The following SMCHD1 variants were observed in gnomAD, a reference collection of about 807,000 sequenced individuals.
SMCHD1 encodes structural maintenance of chromosomes flexible hinge domain-containing protein 1.
A neutral mutation model predicts 254.7 loss-of-function variants in SMCHD1; 78 were observed. The observed-to-expected ratio is 0.31, with a 90% CI of 0.26 to 0.37. SMCHD1 has a LOEUF of 0.37. SMCHD1 is among the 10% of genes least tolerant of loss of function. The pLI is 1.00. For synonymous variants in SMCHD1, 766 were observed against 794.9 expected (o/e 0.96, Z 0.61); for missense variants, 1,840 against 2,408.1 (o/e 0.76, Z 4.94).
intron 29 of SMCHD1, among the ~76,000 whole-genome samples, chr18:2,744,674 A>G (rs564431722): frequency 6.6e-6 from 1 of 152,320 alleles, no homozygotes; most frequent in African/African-American, 2.4e-5. Context: ...AAGAATAGTA[A>G]TATACTATTA....
intron 25 of SMCHD1, among the ~76,000 whole-genome samples, chr18:2,734,894 C>G (rs1223319395): frequency 6.6e-6 from 1 of 151,536 alleles, no homozygotes; most frequent in Non-Finnish European, 1.5e-5. Context: ...ATGGTGAAAC[C>G]CCATCTCTAC....
At chr18:2,788,478 G>C (rs887213484) in intron 45 of SMCHD1, among the ~76,000 whole-genome samples, 2 of 152,050 alleles carry the variant, frequency 1.3e-5, no homozygotes, top group African/African-American at 4.8e-5. Context: ...TTAATTCTGG[G>C]TTATATAATT....
Position 2,763,990 on chromosome 18 carries a change from A to G in SMCHD1, c.4719+201A>G, listed in dbSNP as rs181075968. 4.0e-5 allele frequency: 19 copies of G among 477,504 alleles called. 1 individual carries two copies. Among genetic ancestry groups the G allele is most frequent in the South Asian group, 3.6e-4 (13 of 35,834 alleles). The allele number at this position is 477,504 out of a possible 1,614,324, so 29.6% of individuals were successfully genotyped here. Reference sequence around the variant, plus strand: ...TATAAGTAAGACTCTCGTTTTTCCTATGGGATAACAGCTTTCTCTGATTCT... The same window carrying G: ...TATAAGTAAGACTCTCGTTTTTCCTGTGGGATAACAGCTTTCTCTGATTCT... On this transcript the variant is annotated intron_variant, in intron 37 of 47. Coordinates refer to ENST00000320876, the MANE Select transcript of SMCHD1 (RefSeq NM_015295.3).
At chr18:2,753,967 A>C (rs961541618) in intron 34 of SMCHD1, among the ~76,000 whole-genome samples, 1 of 152,058 alleles carries the variant, frequency 6.6e-6, no homozygotes, top group Non-Finnish European at 1.5e-5. Context: ...TCATATATTT[A>C]TTGGCCACTT....
At chr18:2,750,178 G>T in intron 31 of SMCHD1, 56 bp downstream of exon 31, 1 of 1,505,562 alleles carries the variant, frequency 6.6e-7, no homozygotes, top group Non-Finnish European at 9.0e-7. Context: ...TTTTCTTACT[G>T]CTTGCCGAAG....
intron 1 of SMCHD1, among the ~76,000 whole-genome samples, chr18:2,664,833 C>G (rs891876916): frequency 1.3e-5 from 2 of 152,182 alleles, no homozygotes; most frequent in African/African-American, 4.8e-5. Context: ...GCCTCATCAG[C>G]CAGAGCTATT....
At chr18:2,795,879 T>G (rs1454809234) in intron 45 of SMCHD1, 70 bp from the exon 46 acceptor site, 6 of 1,381,024 alleles carry the variant, frequency 4.3e-6, no homozygotes, top group Non-Finnish European at 5.9e-6. Flanking sequence ...GTGTTGCTCA[T>G]TTTTTCCCCT....
At chr18:2,782,420 A>G (rs1170002842) in intron 44 of SMCHD1, among the ~76,000 whole-genome samples, 1 of 152,150 alleles carries the variant, frequency 6.6e-6, no homozygotes, top group Non-Finnish European at 1.5e-5. Context: ...ATAATAGAAA[A>G]TCTATACATT....
rs551889453 is a variant in SMCHD1 at position 2,804,394 on chromosome 18, C to A, written c.*1842C>A. On this transcript the variant is annotated 3_prime_UTR_variant, in exon 48 of 48. Transcript: ENST00000320876. The stretch of plus-strand genomic sequence containing the variant: ...CAAGCAGTCTTCCTGCCTTGGCCTC[C>A]TAAGTAGCAGGGATTACAGGCATGC... 1 of 152,234 alleles carries A rather than the reference C, an allele frequency of 6.6e-6. No individual in the cohort carries two copies. Among genetic ancestry groups the A allele is most frequent in the Admixed American group, 6.5e-5 (1 of 15,282 alleles). 9.4% of individuals were successfully genotyped at this position (152,234 alleles called of 1,614,324 possible).
chr18:2,743,615 A>C (rs1245105023), intron 28 of SMCHD1, 146 bp from the exon 29 acceptor site: 1 of 469,230 alleles, frequency 2.1e-6, no homozygotes, highest in South Asian at 7.7e-5. Flanking sequence ...ATGGCATGCC[A>C]TTATTGCATG....
At chr18:2,800,214 G>A (rs2076336021) in intron 47 of SMCHD1, among the ~76,000 whole-genome samples, 1 of 151,844 alleles carries the variant, frequency 6.6e-6, no homozygotes, top group Admixed American at 6.6e-5. Flanking sequence ...CCCAAACAGG[G>A]AGAGTGGCAA....
At chr18:2,769,664 T>C (rs1473542188) in intron 37 of SMCHD1, 30 bp from the exon 38 acceptor site, 2 of 1,568,440 alleles carry the variant, frequency 1.3e-6, no homozygotes, top group South Asian at 2.3e-5. Context: ...TTAAATCTTG[T>C]TTTCCCCTAT....
Position 2,718,138 on chromosome 18 carries a change from TTCTTTTTTCTTTTATTAA to T in SMCHD1, c.2261-19_2261-2del. The T allele has an allele frequency of 6.4e-7, 1 of 1,567,364 alleles. No homozygotes were observed. Among genetic ancestry groups the T allele is most frequent in the Non-Finnish European group, 8.7e-7 (1 of 1,145,724 alleles). The stretch of plus-strand genomic sequence containing the variant: ...GTTGAATTTCTCAAGACACTATTGT[TTCTTTTTTCTTTTATTAA>T]GCTTCAAGTGGAAATAAAGAGATTA... On this transcript the variant is annotated splice_acceptor_variant and splice_polypyrimidine_tract_variant and intron_variant, in intron 17 of 47. Transcript: ENST00000320876. LOFTEE classifies it high-confidence loss of function. This position sits in a 1 kb window ranked among gnomAD's most constrained non-coding sequence, Gnocchi z 4.6.
At chr18:2,688,564 T>C in intron 6 of SMCHD1, 56 bp downstream of exon 6, 2 of 1,585,756 alleles carry the variant, frequency 1.3e-6, no homozygotes, top group Non-Finnish European at 1.7e-6. Context: ...TGAAGTTGAC[T>C]CTGTCTAAAT....
chr18:2,703,710 G>C lies in SMCHD1; in HGVS notation c.1666G>C (p.Asp556His). The change falls in exon 13 of 48, where the codon GAC becomes CAC. Residue 556 changes from aspartate (D) to histidine (H), a missense_variant. Asp to His is a moderately conservative substitution (Grantham distance 81). This residue lies in a region of SMCHD1 where 498 missense variants were observed against 743.5 expected (regional missense o/e 0.67). Transcript: ENST00000320876. ...LNGQEQRMKI[D>H]REFALWLKDC... ...TCTACAGGAACAGCGAATGAAAATTGACAGAGAATTTGCTTTGTGGCTGAA... is the reference window on the plus strand; with the variant it reads ...TCTACAGGAACAGCGAATGAAAATTCACAGAGAATTTGCTTTGTGGCTGAA... 6.2e-7 allele frequency: 1 copy of C among 1,607,606 alleles called. No homozygotes were observed. The highest frequency in any genetic ancestry group is 8.5e-7 in the Non-Finnish European group (1 of 1,177,752).
intron 1 of SMCHD1, among the ~76,000 whole-genome samples, chr18:2,658,927 CATATATACACAT>C (rs2073161503): frequency 6.8e-6 from 1 of 146,578 alleles, no homozygotes; most frequent in South Asian, 2.2e-4. Flanking sequence ...CATATATACA[CATATATACACAT>C]ATATATACAC....
At chr18:2,769,906 T>C in intron 38 of SMCHD1, 83 bp from the exon 39 acceptor site, 1 of 1,536,826 alleles carries the variant, frequency 6.5e-7, no homozygotes, top group Non-Finnish European at 8.8e-7. Flanking sequence ...ACTTGGTGTT[T>C]ATTAGCTATC....
chr18:2,738,278 G>A, intron 25 of SMCHD1, 119 bp from the exon 26 acceptor site: 1 of 901,702 alleles, frequency 1.1e-6, no homozygotes, highest in South Asian at 2.1e-5. Context: ...ACCATAAAGA[G>A]ACTTTTTTCT....
At chr18:2,683,898 G>A (rs1212038739) in intron 5 of SMCHD1, among the ~76,000 whole-genome samples, 3 of 151,752 alleles carry the variant, frequency 2.0e-5, no homozygotes, top group Non-Finnish European at 4.4e-5. Flanking sequence ...TTCTTTTAAT[G>A]TACCTTTATT....
Sources: gnomAD v4.1 joint callset for allele counts (sites outside exome capture counted in the v4.1 genomes callset) on GRCh38, gnomAD v4.1.1 for gene constraint, gnomAD v4.1.1 regional missense constraint, Gnocchi (gnomAD v3.1) non-coding constraint, MANE v1.5 for transcripts, NCBI Gene and HGNC (gene_info 2026-07-23, HGNC 2026-07-21) for gene names.